SNX29: variants seen among roughly 807,000 people sequenced by gnomAD.
The protein encoded by SNX29 is sorting nexin 29.
SNX29 carries 78 observed loss-of-function variants against 102.1 expected under a neutral mutation model. The observed-to-expected ratio is 0.76, with a 90% CI of 0.64 to 0.92. The LOEUF (loss-of-function observed/expected upper bound fraction) is 0.92, where lower values mean the gene tolerates loss of function less well. SNX29 is among the 40% of genes least tolerant of loss of function. SNX29 has a pLI of 0.00. For missense variants in SNX29, 1,280 were observed against 1,061.7 expected (o/e 1.21, Z -2.86); for synonymous variants, 580 against 414.5 (o/e 1.40, Z -4.85).
Position 12,510,396 on chromosome 16 carries a change from G to A in SNX29, c.2179-14306G>A, listed in dbSNP as rs186072845. Among the ~76,000 whole-genome samples, 182 of 152,258 alleles carry A rather than the reference G, an allele frequency of 1.2e-3. 1 individual carries two copies. Among genetic ancestry groups the A allele is most frequent in the Admixed American group, 2.6e-3 (39 of 15,292 alleles). On this transcript the variant is annotated intron_variant, in intron 19 of 20. Coordinates refer to ENST00000566228, the MANE Select transcript of SNX29 (RefSeq NM_032167.5). ...GGCCAAACTGCATAAGGAAGAGGCT[G>A]GGTGTGGTGGCTTAGGCCTATACAA... is the stretch of plus-strand genomic sequence containing the variant.
At chr16:12,105,214 T>TCCCA (rs2053182108) in intron 11 of SNX29, among the ~76,000 whole-genome samples, 1 of 118,984 alleles carries the variant, frequency 8.4e-6, no homozygotes, top group Non-Finnish European at 1.8e-5. Flanking sequence ...CCTCCCTCCC[T>TCCCA]CCCTCCCTCC....
At chr16:12,515,999 G>A (rs1482739303) in intron 19 of SNX29, among the ~76,000 whole-genome samples, 1 of 152,132 alleles carries the variant, frequency 6.6e-6, no homozygotes, top group Non-Finnish European at 1.5e-5. Context: ...GGGAAGCAGG[G>A]GAGGGGAGGA....
intron 20 of SNX29, among the ~76,000 whole-genome samples, chr16:12,548,456 C>T (rs899608733): frequency 1.3e-5 from 2 of 152,206 alleles, no homozygotes; most frequent in African/African-American, 4.8e-5. Context: ...GCATCTGTGT[C>T]TTTTGGACAG....
Position 12,011,783 on chromosome 16 carries a change from C to G in SNX29, c.122+8740C>G, listed in dbSNP as rs138485743. 1.2e-3 allele frequency among the ~76,000 whole-genome samples: 177 copies of G among 152,182 alleles called. 1 individual carries two copies. The highest frequency in any genetic ancestry group is 3.8e-3 in the African/African-American group (159 of 41,486). On this transcript the variant is annotated intron_variant, in intron 3 of 20. Transcript: ENST00000566228. ...TCATGCCTCCTTCAGCCACAAATCA[C>G]CAGTTACCAGCTGTGTAATTTTGGA...
Position 12,015,725 on chromosome 16 carries a change from T to C in SNX29, c.123-11595T>C, listed in dbSNP as rs183446116. The stretch of plus-strand genomic sequence containing the variant: ...TAACTTTTTGTATTTTTAGTAGAGA[T>C]AGGGTTTCACCGTGTTAGCCAGGAT... On this transcript the variant is annotated intron_variant, in intron 3 of 20. Coordinates refer to ENST00000566228, the MANE Select transcript of SNX29 (RefSeq NM_032167.5). Among the ~76,000 whole-genome samples, 1,299 of 144,776 alleles carry C rather than the reference T, an allele frequency of 9.0e-3. 11 individuals are homozygous for C. Among genetic ancestry groups the C allele is most frequent in the Middle Eastern group, 0.015 (4 of 260 alleles). The allele number at this position is 144,776 out of a possible 152,430, so 95.0% of individuals were successfully genotyped here.
chr16:11,982,010 G>C (rs946482904), intron 1 of SNX29, among the ~76,000 whole-genome samples: 6 of 151,136 alleles, frequency 4.0e-5, no homozygotes, highest in Non-Finnish European at 8.8e-5. Flanking sequence ...TTTGAGACCA[G>C]CCTGGGCAAC....
At chr16:12,518,092 G>T (rs888849048) in intron 19 of SNX29, among the ~76,000 whole-genome samples, 1 of 152,196 alleles carries the variant, frequency 6.6e-6, no homozygotes, top group Non-Finnish European at 1.5e-5. Flanking sequence ...TAGTTTAGTC[G>T]TGTGTGCTGG....
intron 5 of SNX29, 35 bp from the exon 6 acceptor site, chr16:12,046,349 C>G (rs1198880116): frequency 1.2e-6 from 2 of 1,609,012 alleles, no homozygotes; most frequent in African/African-American, 2.7e-5. Context: ...AGAACCACTG[C>G]TAAGAACGAT....
intron 14 of SNX29, among the ~76,000 whole-genome samples, chr16:12,233,369 T>C (rs751659355): frequency 1.3e-5 from 2 of 152,168 alleles, no homozygotes; most frequent in Non-Finnish European, 2.9e-5. Flanking sequence ...TTCTGACTTA[T>C]AAGTGGGAGC....
At chr16:12,166,307 C>T (rs2056019697) in intron 13 of SNX29, among the ~76,000 whole-genome samples, 1 of 152,086 alleles carries the variant, frequency 6.6e-6, no homozygotes. Context: ...ATGAGGGGGC[C>T]ATGATGGGCA....
intron 3 of SNX29, among the ~76,000 whole-genome samples, chr16:12,014,105 A>AT (rs552283424): frequency 1.5e-4 from 23 of 152,018 alleles, no homozygotes; most frequent in African/African-American, 5.6e-4. Flanking sequence ...CTGAGTTTTT[A>AT]TTTTTTTAAA....
intron 5 of SNX29, among the ~76,000 whole-genome samples, chr16:12,045,767 G>C: frequency 6.6e-6 from 1 of 151,898 alleles, no homozygotes; most frequent in East Asian, 1.9e-4. Context: ...GGGATTACAA[G>C]CGCCTGCCAC....
intron 8 of SNX29, among the ~76,000 whole-genome samples, chr16:12,058,322 C>T (rs896809171): frequency 2.0e-5 from 3 of 151,910 alleles, no homozygotes; most frequent in Non-Finnish European, 4.4e-5. Flanking sequence ...TCTAAGTTTT[C>T]AAATAACGTG....
At chr16:12,093,703 A>G (rs1387023372) in intron 11 of SNX29, 1 of 152,122 alleles carries the variant, frequency 6.6e-6, no homozygotes, top group African/African-American at 2.4e-5. Context: ...CCCTTGGTGG[A>G]TTCCTGGGAG....
intron 15 of SNX29, among the ~76,000 whole-genome samples, chr16:12,307,145 G>C (rs1225542752): frequency 6.6e-6 from 1 of 152,144 alleles, no homozygotes; most frequent in African/African-American, 2.4e-5. Flanking sequence ...TCAGAATAGT[G>C]CTCTGTCAAC....
At chr16:12,144,483 C>G (rs1402831460) in intron 13 of SNX29, among the ~76,000 whole-genome samples, 3 of 152,160 alleles carry the variant, frequency 2.0e-5, no homozygotes, top group Non-Finnish European at 4.4e-5. Context: ...GAGCGCTCCA[C>G]CCCCCATGGA....
rs1185653390 is a variant in SNX29, at chr16:12,486,738, A to AG, written c.2178+8884dup. ...CCTCAACCTCAGTGCCGTGGAGAGC[A>AG]GGGGGCGGGTGAGGAGGGGCTCTGA... is the stretch of plus-strand genomic sequence containing the variant. On this transcript the variant is annotated intron_variant, in intron 19 of 20. Transcript: ENST00000566228. 5.9e-5 allele frequency among the ~76,000 whole-genome samples: 9 copies of AG among 152,260 alleles called. No individual in the cohort carries two copies. In the East Asian group the frequency reaches 1.2e-3, roughly 20 times the overall value.
chr16:12,208,723 C>A (rs752091236), intron 14 of SNX29, among the ~76,000 whole-genome samples: 1 of 152,016 alleles, frequency 6.6e-6, no homozygotes, highest in Non-Finnish European at 1.5e-5. Flanking sequence ...TGCCTGTAGT[C>A]CCAGCTCTTT....
At position 12,322,588 on chromosome 16, in the gene SNX29, A is replaced by G. The variant is rs539230560; in HGVS notation, c.1783-33575A>G. Among the ~76,000 whole-genome samples, 148 of 152,304 alleles carry G rather than the reference A, an allele frequency of 9.7e-4. 1 individual carries two copies. The highest frequency in any genetic ancestry group is 3.4e-3 in the African/African-American group (142 of 41,586). On this transcript the variant is annotated intron_variant, in intron 15 of 20. Coordinates refer to ENST00000566228, the MANE Select transcript of SNX29 (RefSeq NM_032167.5). Reference sequence around the variant, plus strand: ...AGATGATGAATAGAAACTAAGGTGGAGTTCTAATACTCCTTTGGGTAACTT... The same window carrying G: ...AGATGATGAATAGAAACTAAGGTGGGGTTCTAATACTCCTTTGGGTAACTT...
Sources: allele counts gnomAD v4.1 joint callset (sites outside exome capture counted in the v4.1 genomes callset), GRCh38; gene constraint gnomAD v4.1.1; transcripts MANE v1.5; gene names NCBI Gene and HGNC (gene_info 2026-07-23, HGNC 2026-07-21).